Variants in MEIS2 observed in about 807,000 individuals in gnomAD.
The protein encoded by MEIS2 is homeobox protein Meis2.
Under a neutral mutation model 58.6 loss-of-function variants are expected in MEIS2, and 9 were observed. The observed-to-expected ratio is 0.15, with a 90% CI of 0.09 to 0.27. MEIS2 has a LOEUF of 0.27. MEIS2 is among the 10% of genes least tolerant of loss of function. The pLI, the probability that MEIS2 is intolerant of heterozygous loss-of-function variation, is 1.00. For missense variants in MEIS2, 427 were observed against 635.0 expected (o/e 0.67, Z 3.52); for synonymous variants, 221 against 228.4 (o/e 0.97, Z 0.29).
intron 7 of MEIS2, among the ~76,000 whole-genome samples, chr15:37,053,337 C>T (rs1000301397): frequency 2.0e-5 from 3 of 152,074 alleles, no homozygotes; most frequent in Non-Finnish European, 2.9e-5. Flanking sequence ...AATTAAAAAC[C>T]GGCTGACTCG....
intron 9 of MEIS2, among the ~76,000 whole-genome samples, chr15:36,908,885 G>A (rs1445593070): frequency 6.6e-6 from 1 of 152,096 alleles, no homozygotes; most frequent in Non-Finnish European, 1.5e-5. Flanking sequence ...GTTGTGGTGA[G>A]CCGAGATGGC....
At chr15:37,004,171 AG>A (rs1489580362) in intron 8 of MEIS2, among the ~76,000 whole-genome samples, 6 of 152,176 alleles carry the variant, frequency 3.9e-5, no homozygotes, top group Non-Finnish European at 8.8e-5. Context: ...ACCATTCCAA[AG>A]CTAAAAACAG....
intron 9 of MEIS2, among the ~76,000 whole-genome samples, chr15:36,927,128 A>G (rs768309813): frequency 6.6e-6 from 1 of 152,140 alleles, no homozygotes; most frequent in Non-Finnish European, 1.5e-5. Context: ...CCTCTTCTAC[A>G]TGCATCTGAC....
chr15:37,007,017 T>G (rs1567172943), intron 8 of MEIS2, among the ~76,000 whole-genome samples: 1 of 152,266 alleles, frequency 6.6e-6, no homozygotes, highest in Admixed American at 6.5e-5. Context: ...CGAATATATT[T>G]AATCTCTCTG....
chr15:37,094,442 C>T (rs1476500751), intron 5 of MEIS2, 85 bp downstream of exon 5: 9 of 1,340,910 alleles, frequency 6.7e-6, no homozygotes, highest in Non-Finnish European at 9.5e-6. Flanking sequence ...CAATCCCTCA[C>T]ACTAGAGGTT....
intron 9 of MEIS2, chr15:36,897,991 G>C (rs2056273259): frequency 1.3e-5 from 2 of 152,222 alleles, no homozygotes; most frequent in Non-Finnish European, 2.9e-5. Flanking sequence ...TGAGCACTCT[G>C]GTGGGAATAC....
chr15:36,912,455 T>C (rs1483511598), intron 9 of MEIS2, among the ~76,000 whole-genome samples: 2 of 152,200 alleles, frequency 1.3e-5, no homozygotes, highest in Non-Finnish European at 2.9e-5. Flanking sequence ...TCTTCTCAAT[T>C]ATTTATACTT....
At chr15:37,009,458 T>A (rs990577117) in intron 8 of MEIS2, among the ~76,000 whole-genome samples, 1 of 152,216 alleles carries the variant, frequency 6.6e-6, no homozygotes, top group African/African-American at 2.4e-5. Flanking sequence ...ATTTGTCCTG[T>A]TAAGCTGAAG....
intron 9 of MEIS2, among the ~76,000 whole-genome samples, chr15:36,907,553 T>C (rs1471000284): frequency 6.6e-6 from 1 of 152,228 alleles, no homozygotes; most frequent in Non-Finnish European, 1.5e-5. Flanking sequence ...ACCAGGCTCT[T>C]ATCCTCCTCT....
chr15:36,991,131 C>T (rs1353029058), intron 8 of MEIS2, among the ~76,000 whole-genome samples: 1 of 152,162 alleles, frequency 6.6e-6, no homozygotes, highest in African/African-American at 2.4e-5. Context: ...ATGCTTCCTA[C>T]TCAGGGGACT....
chr15:37,041,961 G>C (rs1262591362), intron 7 of MEIS2, among the ~76,000 whole-genome samples: 2 of 152,104 alleles, frequency 1.3e-5, no homozygotes, highest in Non-Finnish European at 2.9e-5. Context: ...AGGATTGCTA[G>C]AGCTTGGGAG....
At chr15:36,944,850 C>T (rs1191648760) in intron 9 of MEIS2, among the ~76,000 whole-genome samples, 2 of 152,014 alleles carry the variant, frequency 1.3e-5, no homozygotes, top group East Asian at 3.9e-4. Flanking sequence ...CTCGACCCCA[C>T]CTCCCTGGTT....
intron 9 of MEIS2, among the ~76,000 whole-genome samples, chr15:36,926,353 G>A (rs1293937547): frequency 3.3e-5 from 5 of 152,024 alleles, no homozygotes; most frequent in Admixed American, 6.5e-5. Context: ...AAAAAAACAA[G>A]GTTTGGAGAA....
In MEIS2 at chr15:37,099,772, T is replaced by TCCCCCTCTTTCTCTTCTCTTC. The variant is rs1894880785; in HGVS notation, c.-327_-307dup. ...CTCCTCCTCCTCTTCGGTCCTCCTT[T>TCCCCCTCTTTCTCTTCTCTTC]CCCCCTCTTTCTCTTCTCTTCCCCT... On this transcript the variant is annotated 5_prime_UTR_variant, in exon 1 of 12. Coordinates refer to ENST00000561208, the MANE Select transcript of MEIS2 (RefSeq NM_170675.5). 1 of 319,694 alleles carries TCCCCCTCTTTCTCTTCTCTTC rather than the reference T, an allele frequency of 3.1e-6. No homozygotes were observed. The allele number at this position is 319,694 out of a possible 1,614,324, so 19.8% of individuals were successfully genotyped here.
intron 8 of MEIS2, among the ~76,000 whole-genome samples, chr15:36,976,159 C>A (rs1192436720): frequency 3.3e-5 from 5 of 151,854 alleles, no homozygotes; most frequent in East Asian, 3.9e-4. Flanking sequence ...ATCTCGGCTC[C>A]CTGCAACCTC....
chr15:37,094,466 C>A, intron 5 of MEIS2, 61 bp downstream of exon 5: 1 of 1,544,430 alleles, frequency 6.5e-7, no homozygotes, highest in Non-Finnish European at 8.9e-7. Flanking sequence ...TAAAAACATC[C>A]CAACTCAACT....
chr15:37,100,104 C>G lies in MEIS2; in HGVS notation c.-638G>C, dbSNP rs1894919735. 7.6e-6 allele frequency: 1 copy of G among 132,260 alleles called. No homozygotes were observed. Among genetic ancestry groups the G allele is most frequent in the South Asian group, 2.8e-4 (1 of 3,622 alleles). The allele number at this position is 132,260 out of a possible 1,614,324, so 8.2% of individuals were successfully genotyped here. ...CCCCTCCCCCCTTTTTTAGCTTTGC[C>G]CCCGCGGTATCTATAATACGATCCT... On this transcript the variant is annotated 5_prime_UTR_variant, in exon 1 of 12. Coordinates refer to ENST00000561208, the MANE Select transcript of MEIS2 (RefSeq NM_170675.5).
intron 8 of MEIS2, among the ~76,000 whole-genome samples, chr15:37,019,518 C>T (rs756961218): frequency 2.0e-5 from 3 of 152,102 alleles, no homozygotes; most frequent in Non-Finnish European, 2.9e-5. Context: ...AGAATCATGA[C>T]GACACCACTT....
chr15:37,039,907 C>T lies in MEIS2; in HGVS notation c.755-2948G>A, dbSNP rs1427884310. On this transcript the variant is annotated intron_variant, in intron 7 of 11. Coordinates refer to ENST00000561208, the MANE Select transcript of MEIS2 (RefSeq NM_170675.5). Reference sequence around the variant, plus strand: ...CAATAAATACAATTGTTTTTTCCTCCAATGGACTGTGGACCAAATCCAGCA... The same window carrying T: ...CAATAAATACAATTGTTTTTTCCTCTAATGGACTGTGGACCAAATCCAGCA... Among the ~76,000 whole-genome samples, 3 of 152,076 alleles carry T rather than the reference C, an allele frequency of 2.0e-5. No individual in the cohort carries two copies. The East Asian group carries it at 5.8e-4, about 29-fold the overall frequency.
Sources: gnomAD v4.1 joint callset for allele counts (sites outside exome capture counted in the v4.1 genomes callset) on GRCh38, gnomAD v4.1.1 for gene constraint, MANE v1.5 for transcripts, NCBI Gene and HGNC (gene_info 2026-07-23, HGNC 2026-07-21) for gene names.